The following SLC44A2 variants were observed in gnomAD, a reference collection of about 807,000 sequenced individuals.
SLC44A2 encodes the protein solute carrier family 44 member 2 (CTL2 blood group), also known as choline transporter-like protein 2.
Under a neutral mutation model 90.8 loss-of-function variants are expected in SLC44A2, and 57 were observed. The observed-to-expected ratio is 0.63, with a 90% CI of 0.51 to 0.78. SLC44A2 has a LOEUF of 0.78. Ranked by LOEUF, SLC44A2 falls within the 30% of genes least tolerant of loss-of-function variation. SLC44A2 has a pLI of 0.00. For missense variants in SLC44A2, 794 were observed against 919.7 expected (o/e 0.86, Z 1.77); for synonymous variants, 355 against 360.7 (o/e 0.98, Z 0.18).
Position 10,638,417 on chromosome 19 carries a change from G to A in SLC44A2, c.1929+102G>A. On this transcript the variant is annotated intron_variant, in intron 20 of 21. Coordinates refer to ENST00000335757, the MANE Select transcript of SLC44A2 (RefSeq NM_020428.4). The stretch of plus-strand genomic sequence containing the variant: ...AAATGTGGATAGAGGTCAGAGGTGG[G>A]GAATTGATTATTTATTCAGACCACA... 7 of 1,091,314 alleles carry A rather than the reference G, an allele frequency of 6.4e-6. No homozygotes were observed. In the South Asian group the frequency reaches 7.7e-5, roughly 12 times the overall value. 67.6% of individuals were successfully genotyped at this position (1,091,314 alleles called of 1,614,324 possible). A position where few individuals can be genotyped will look rare whatever the true frequency, so the allele number is the denominator to read the frequency against.
intron 1 of SLC44A2, among the ~76,000 whole-genome samples, chr19:10,618,887 A>G (rs1288336813): frequency 6.6e-6 from 1 of 150,394 alleles, no homozygotes; most frequent in African/African-American, 2.5e-5. Flanking sequence ...TCTTCCTAAT[A>G]TACATTCAGG....
At chr19:10,619,287 C>T (rs945294603) in intron 1 of SLC44A2, among the ~76,000 whole-genome samples, 2 of 151,354 alleles carry the variant, frequency 1.3e-5, no homozygotes, top group African/African-American at 2.4e-5. Flanking sequence ...AAAAATTAGC[C>T]GGGCGTGGTG....
At chr19:10,638,593 T>A (rs2067083815) in intron 20 of SLC44A2, among the ~76,000 whole-genome samples, 1 of 151,884 alleles carries the variant, frequency 6.6e-6, no homozygotes, top group African/African-American at 2.4e-5. Context: ...TACAGGTGCC[T>A]GCCCCCACAC....
chr19:10,641,285 T>A (rs1288236774), intron 20 of SLC44A2: 1 of 382,032 alleles, frequency 2.6e-6, no homozygotes, highest in East Asian at 7.4e-5. Flanking sequence ...TCCCAGCTCC[T>A]TGTAAGCCTG....
intron 1 of SLC44A2, among the ~76,000 whole-genome samples, chr19:10,609,251 C>A (rs573160462): frequency 6.6e-6 from 1 of 151,860 alleles, no homozygotes; most frequent in Non-Finnish European, 1.5e-5. Context: ...CAACCATGCC[C>A]GGCCCAGCCT....
chr19:10,641,283 C>A, intron 20 of SLC44A2: 1 of 378,790 alleles, frequency 2.6e-6, no homozygotes, highest in South Asian at 1.9e-5. Flanking sequence ...AGTCCCAGCT[C>A]CTTGTAAGCC....
intron 1 of SLC44A2, among the ~76,000 whole-genome samples, chr19:10,608,058 A>G (rs1918165173): frequency 6.6e-6 from 1 of 151,360 alleles, no homozygotes; most frequent in African/African-American, 2.4e-5. Context: ...CCCCGTTTCT[A>G]CTAAAAATAA....
chr19:10,622,288 G>A (rs2066899782), upstream of SLC44A2, among the ~76,000 whole-genome samples: 1 of 152,140 alleles, frequency 6.6e-6, no homozygotes, highest in Non-Finnish European at 1.5e-5. Flanking sequence ...GGTCATGCAA[G>A]GCTTTGTGGG....
rs1318727167 is a variant in SLC44A2 at position 10,644,068 on chromosome 19, G to C, written c.*683G>C. On this transcript the variant is annotated 3_prime_UTR_variant, in exon 22 of 22. Coordinates refer to ENST00000335757, the MANE Select transcript of SLC44A2 (RefSeq NM_020428.4). The stretch of plus-strand genomic sequence containing the variant: ...AGGGAGGGAGAGTTTTGCGGGGGTT[G>C]GCAGTGGAGAGCAGGCTGGAGAGGA... The C allele has an allele frequency of 6.6e-6, 1 of 152,668 alleles. No homozygotes were observed. Among genetic ancestry groups the C allele is most frequent in the Admixed American group, 6.6e-5 (1 of 15,248 alleles). 9.5% of individuals were successfully genotyped at this position (152,668 alleles called of 1,614,324 possible). A position where few individuals can be genotyped will look rare whatever the true frequency, so the allele number is the denominator to read the frequency against.
intron 4 of SLC44A2, among the ~76,000 whole-genome samples, chr19:10,630,219 C>T (rs936009944): frequency 1.3e-5 from 2 of 152,012 alleles, no homozygotes; most frequent in Non-Finnish European, 2.9e-5. Flanking sequence ...GGTGTGGTTG[C>T]GCACACCCGT....
chr19:10,616,220 T>C (rs1362435999), intron 1 of SLC44A2, among the ~76,000 whole-genome samples: 1 of 151,246 alleles, frequency 6.6e-6, no homozygotes, highest in Non-Finnish European at 1.5e-5. Context: ...TGAAACAGAG[T>C]GAAACTGTGT....
chr19:10,622,227 A>G (rs1293402054), upstream of SLC44A2, among the ~76,000 whole-genome samples: 2 of 152,104 alleles, frequency 1.3e-5, no homozygotes, highest in Non-Finnish European at 2.9e-5. Context: ...TGAACAGAGT[A>G]AGCCATGGAG....
chr19:10,612,745 C>T (rs1918340416), intron 1 of SLC44A2, among the ~76,000 whole-genome samples: 1 of 152,252 alleles, frequency 6.6e-6, no homozygotes, highest in African/African-American at 2.4e-5. Context: ...ACGCCCACTG[C>T]ACTTGGGTGG....
At chr19:10,606,311 G>T (rs931023339) in intron 1 of SLC44A2, among the ~76,000 whole-genome samples, 5 of 151,702 alleles carry the variant, frequency 3.3e-5, no homozygotes, top group African/African-American at 1.2e-4. Flanking sequence ...ATAAAAAGCA[G>T]ATTCCCTGGT....
upstream of SLC44A2, chr19:10,602,506 C>G (rs12980453): frequency 7.9e-7 from 1 of 1,261,204 alleles, no homozygotes; most frequent in East Asian, 3.2e-5. Flanking sequence ...CTGGCTCGGA[C>G]TCCGCTCCCC....
chr19:10,607,055 G>T (rs1271612399), intron 1 of SLC44A2, among the ~76,000 whole-genome samples: 1 of 151,156 alleles, frequency 6.6e-6, no homozygotes, highest in African/African-American at 2.4e-5. Context: ...GGGACTACAG[G>T]CGCCCGCCAC....
Position 10,634,379 on chromosome 19 carries a change from G to T in SLC44A2, c.824-377G>T, listed in dbSNP as rs557774242. On this transcript the variant is annotated intron_variant, in intron 10 of 21. Coordinates refer to ENST00000335757, the MANE Select transcript of SLC44A2 (RefSeq NM_020428.4). ...CTCGGGAAGCTGAGGCAGGAGAATC[G>T]CTTGAACCCGTGAAGTGGAGGTTGC... is the stretch of plus-strand genomic sequence containing the variant. Among the ~76,000 whole-genome samples the T allele has an allele frequency of 6.0e-5, 9 of 151,174 alleles. No individual in the cohort carries two copies. The South Asian group carries it at 1.9e-3, about 32-fold the overall frequency.
intron 2 of SLC44A2, among the ~76,000 whole-genome samples, chr19:10,627,236 G>T (rs1356443995): frequency 6.6e-6 from 1 of 151,166 alleles, no homozygotes; most frequent in Non-Finnish European, 1.5e-5. Flanking sequence ...CAGGAGAATC[G>T]CTTGAACCTG....
At chr19:10,613,255 C>CTT (rs567560736) in intron 1 of SLC44A2, among the ~76,000 whole-genome samples, 5 of 140,792 alleles carry the variant, frequency 3.6e-5, no homozygotes, top group African/African-American at 5.2e-5. Flanking sequence ...TATTTTCTTT[C>CTT]TTTTTTTTTT....
Sources: gnomAD v4.1 joint callset for allele counts (sites outside exome capture counted in the v4.1 genomes callset) on GRCh38, gnomAD v4.1.1 for gene constraint, MANE v1.5 for transcripts, NCBI Gene and HGNC (gene_info 2026-07-23, HGNC 2026-07-21) for gene names.